CACNA1H: variants seen among roughly 807,000 people sequenced by gnomAD.
CACNA1H encodes the protein voltage-dependent T-type calcium channel subunit alpha-1H.
A neutral mutation model predicts 192.5 loss-of-function variants in CACNA1H; 149 were observed. The ratio of observed to expected loss-of-function variants is 0.77; its 90% CI spans 0.68 to 0.89. The LOEUF (loss-of-function observed/expected upper bound fraction) is 0.89. Among genes scored for constraint, CACNA1H ranks in the 40% least tolerant of loss-of-function variants. The pLI is 0.00. For missense variants in CACNA1H, 4,257 were observed against 3,423.5 expected, an observed-to-expected ratio of 1.24 and a Z score of -6.08; for synonymous variants, 2,202 against 1,475.2, an observed-to-expected ratio of 1.49 and a Z score of -11.29.
intron 2 of CACNA1H, among the ~76,000 whole-genome samples, chr16:1,161,229 T>C (rs1963159185): frequency 6.6e-6 from 1 of 152,234 alleles, no homozygotes; most frequent in Non-Finnish European, 1.5e-5. Flanking sequence ...AGCGAAGCTG[T>C]TCCTTTGTGG....
At chr16:1,187,386 C>T (rs1319838220) in intron 2 of CACNA1H, among the ~76,000 whole-genome samples, 1 of 152,204 alleles carries the variant, frequency 6.6e-6, no homozygotes, top group Non-Finnish European at 1.5e-5. Flanking sequence ...AGTCTGTGCC[C>T]TGCAAGGCAT....
In CACNA1H at chr16:1,200,332, C is replaced by A; in HGVS notation, c.880C>A (p.Arg294Ser). The change falls in exon 7 of 35, where the codon CGC (arginine) becomes AGC (serine). Residue 294 changes from arginine to serine, a missense_variant. Arg to Ser is a moderately radical substitution (Grantham distance 110). Coordinates refer to ENST00000348261, the MANE Select transcript of CACNA1H (RefSeq NM_021098.3). ...GEENPFICSS[R>S]RDNGMQKCSH... ...GGAGAACCCGTTCATCTGCTCCTCA[C>A]GCCGAGACAACGGCATGCAGAAGTG... The A allele has an allele frequency of 6.2e-7, 1 of 1,603,848 alleles. No individual in the cohort carries two copies. The highest frequency in any genetic ancestry group is 8.5e-7 in the Non-Finnish European group (1 of 1,175,914).
chr16:1,216,777 A>G (rs945029455), intron 30 of CACNA1H, among the ~76,000 whole-genome samples, 155 bp from the exon 31 acceptor site: 15 of 141,282 alleles, frequency 1.1e-4, no homozygotes, highest in Non-Finnish European at 2.0e-4. Context: ...GTCCCCGCCC[A>G]GCTCTGGGAA....
At position 1,200,709 on chromosome 16, in the gene CACNA1H, C is replaced by T. The variant is rs766565300; in HGVS notation, c.1120-7C>T. 6 of 1,565,032 alleles carry T rather than the reference C, an allele frequency of 3.8e-6. No individual in the cohort carries two copies. Among genetic ancestry groups the T allele is most frequent in the Non-Finnish European group, 5.2e-6 (6 of 1,154,804 alleles). Reference sequence around the variant, plus strand: ...TGCGGGCCCAAGTCAAGCCACTGCCCCCCCAGGTGATCACGCTGGAAGGCT... The same window carrying T: ...TGCGGGCCCAAGTCAAGCCACTGCCTCCCCAGGTGATCACGCTGGAAGGCT... On this transcript the variant is annotated splice_polypyrimidine_tract_variant and splice_region_variant and intron_variant, in intron 7 of 34. Transcript: ENST00000348261.
rs538254473 is a variant in CACNA1H at position 1,174,480 on chromosome 16, G to A, written c.299+20444G>A. ...AGCACAGCCCACCTGGCCCAGCCTGGACTCTGCAGGGTGGCAGCTGGGGTG... is the reference window on the plus strand; with the variant it reads ...AGCACAGCCCACCTGGCCCAGCCTGAACTCTGCAGGGTGGCAGCTGGGGTG... On this transcript the variant is annotated intron_variant, in intron 2 of 34. Coordinates refer to ENST00000348261, the MANE Select transcript of CACNA1H (RefSeq NM_021098.3). Among the ~76,000 whole-genome samples the A allele has an allele frequency of 2.6e-5, 4 of 152,020 alleles. No individual in the cohort carries two copies. In the South Asian group the frequency reaches 8.3e-4, roughly 32 times the overall value.
In CACNA1H at chr16:1,213,950, C is replaced by T. The variant is rs745504937; in HGVS notation, c.4929+19C>T. ...ACCCAAGGTGGGTGCGAGGGGGCCG[C>T]GAGGGGCCCAGGGGCTGGGGCACCC... On this transcript the variant is annotated intron_variant, in intron 27 of 34. Transcript: ENST00000348261. 5.0e-6 allele frequency: 8 copies of T among 1,601,874 alleles called. No individual in the cohort carries two copies. The highest frequency in any genetic ancestry group is 4.5e-5 in the South Asian group (4 of 89,086).
At chr16:1,158,251 A>C (rs1249908601) in intron 2 of CACNA1H, among the ~76,000 whole-genome samples, 7 of 152,152 alleles carry the variant, frequency 4.6e-5, no homozygotes, top group Admixed American at 2.0e-4. Flanking sequence ...TGGGGCTGAG[A>C]CTGGGAGCGT....
intron 2 of CACNA1H, among the ~76,000 whole-genome samples, chr16:1,170,318 C>A (rs1964238413): frequency 6.6e-6 from 1 of 152,204 alleles, no homozygotes; most frequent in South Asian, 2.1e-4. Flanking sequence ...GCTGAGGTCG[C>A]ACCATGGCTA....
chr16:1,212,380 C>A (rs1429202689), intron 25 of CACNA1H, 131 bp from the exon 26 acceptor site: 19 of 1,062,686 alleles, frequency 1.8e-5, no homozygotes, highest in Non-Finnish European at 2.4e-5. Context: ...GAGGCAGGTT[C>A]CCCACCGAGT....
chr16:1,184,782 C>T (rs765015419), intron 2 of CACNA1H, among the ~76,000 whole-genome samples: 30 of 152,352 alleles, frequency 2.0e-4, no homozygotes, highest in African/African-American at 2.4e-4. Flanking sequence ...CCTTCAGTGG[C>T]GACTGCAGAC....
At chr16:1,161,818 G>T (rs574002089) in intron 2 of CACNA1H, among the ~76,000 whole-genome samples, 1 of 152,216 alleles carries the variant, frequency 6.6e-6, no homozygotes, top group Admixed American at 6.5e-5. Context: ...CCATCTGTGA[G>T]CAGCACCCGG....
At chr16:1,189,049 C>T (rs375065223) in intron 2 of CACNA1H, among the ~76,000 whole-genome samples, 2 of 148,698 alleles carry the variant, frequency 1.3e-5, no homozygotes, top group African/African-American at 2.6e-5. Context: ...TGGCCACAGG[C>T]GGTGCCCATG....
At chr16:1,177,748 G>C (rs1302245508) in intron 2 of CACNA1H, among the ~76,000 whole-genome samples, 2 of 151,876 alleles carry the variant, frequency 1.3e-5, no homozygotes, top group African/African-American at 4.8e-5. Flanking sequence ...GCAGACGCCT[G>C]CTTCTGCCTG....
chr16:1,165,294 CA>C (rs1963644602), intron 2 of CACNA1H, among the ~76,000 whole-genome samples: 2 of 152,302 alleles, frequency 1.3e-5, no homozygotes, highest in African/African-American at 4.8e-5. Context: ...GGCCTGGGGG[CA>C]AAGGCTCAGA....
chr16:1,174,391 A>C (rs535779809), intron 2 of CACNA1H, among the ~76,000 whole-genome samples: 45 of 152,192 alleles, frequency 3.0e-4, no homozygotes, highest in Non-Finnish European at 4.4e-5. Flanking sequence ...AATTTAGCCC[A>C]TTGCTGCCAG....
At chr16:1,189,768 A>G (rs1966430594) in intron 2 of CACNA1H, among the ~76,000 whole-genome samples, 1 of 151,960 alleles carries the variant, frequency 6.6e-6, no homozygotes, top group Non-Finnish European at 1.5e-5. Flanking sequence ...CAGGATGGGT[A>G]CTGTGCCTGA....
At chr16:1,206,694 G>T in intron 12 of CACNA1H, 1 of 458,188 alleles carries the variant, frequency 2.2e-6, no homozygotes. Context: ...ACAGTCCAGA[G>T]AGGCTGAATG....
At chr16:1,203,454 C>G (rs1243430368) in intron 9 of CACNA1H, among the ~76,000 whole-genome samples, 1 of 152,224 alleles carries the variant, frequency 6.6e-6, no homozygotes, top group Non-Finnish European at 1.5e-5. Flanking sequence ...AAGTGTGTCC[C>G]TGCCCCAGTA....
chr16:1,188,149 C>G (rs1048167110), intron 2 of CACNA1H, among the ~76,000 whole-genome samples: 1 of 152,228 alleles, frequency 6.6e-6, no homozygotes, highest in Non-Finnish European at 1.5e-5. Flanking sequence ...TGGCCCTGGC[C>G]TGAGGATTAG....
Sources: allele counts gnomAD v4.1 joint callset (sites outside exome capture counted in the v4.1 genomes callset), GRCh38; gene constraint gnomAD v4.1.1; transcripts MANE v1.5; gene names NCBI Gene and HGNC (gene_info 2026-07-23, HGNC 2026-07-21).